TRDN: variants seen among roughly 807,000 people sequenced by gnomAD.
TRDN encodes triadin in skeletal muscle.
A neutral mutation model predicts 149.7 loss-of-function variants in TRDN; 161 were observed. The observed-to-expected ratio is 1.08, with a 90% CI of 0.95 to 1.23. TRDN has a LOEUF of 1.23. TRDN is among the 50% of genes most tolerant of loss of function. The pLI is 0.00. For synonymous variants in TRDN, 294 were observed against 250.5 expected (o/e 1.17, Z -1.64); for missense variants, 896 against 823.5 (o/e 1.09, Z -1.08).
chr6:123,412,806 A>G (rs1193983559), intron 12 of TRDN, among the ~76,000 whole-genome samples: 1 of 152,120 alleles, frequency 6.6e-6, no homozygotes, highest in African/African-American at 2.4e-5. Flanking sequence ...CTAAATAATA[A>G]TGGTAAATCC....
intron 12 of TRDN, among the ~76,000 whole-genome samples, chr6:123,428,904 G>A (rs1475201087): frequency 2.6e-5 from 4 of 152,148 alleles, no homozygotes; most frequent in Non-Finnish European, 5.9e-5. Context: ...ACATTAAGCA[G>A]ATTTCCTTGC....
chr6:123,439,928 C>G (rs1275892340), intron 10 of TRDN, among the ~76,000 whole-genome samples: 1 of 152,010 alleles, frequency 6.6e-6, no homozygotes, highest in Admixed American at 6.6e-5. Context: ...TGCTATTTAC[C>G]TTATATTTGA....
At chr6:123,550,578 G>A (rs752536442) in intron 2 of TRDN, among the ~76,000 whole-genome samples, 13 of 152,008 alleles carry the variant, frequency 8.6e-5, no homozygotes, top group Non-Finnish European at 1.8e-4. Context: ...AATACTAGAA[G>A]AGGAACTAGG....
chr6:123,331,450 C>G (rs1044717138), intron 23 of TRDN, among the ~76,000 whole-genome samples: 4 of 152,004 alleles, frequency 2.6e-5, no homozygotes, highest in African/African-American at 9.7e-5. Context: ...CTAAGTTCCT[C>G]CTAGCTATAC....
At chr6:123,433,147 T>C (rs1217940119) in intron 12 of TRDN, among the ~76,000 whole-genome samples, 71 of 57,310 alleles carry the variant, frequency 1.2e-3, no homozygotes, top group African/African-American at 4.7e-3. Context: ...ATCATAAATA[T>C]ATATATATAT....
intron 12 of TRDN, among the ~76,000 whole-genome samples, chr6:123,435,750 G>T (rs1471289060): frequency 2.0e-5 from 3 of 152,126 alleles, no homozygotes; most frequent in Admixed American, 6.6e-5. Flanking sequence ...GTCCTGCCTA[G>T]ATGTGCTGAG....
intron 10 of TRDN, chr6:123,441,892 C>T (rs762569704): frequency 1.3e-5 from 2 of 152,188 alleles, no homozygotes. Context: ...TATTCTAACA[C>T]TGTGGCCAGA....
rs190373729 is a variant in TRDN, at chr6:123,383,804, A to C, written c.1136-1657T>G. On this transcript the variant is annotated intron_variant, in intron 14 of 40. Coordinates refer to ENST00000334268, the MANE Select transcript of TRDN (RefSeq NM_006073.4). ...TTAAATAATTAGGCAAGATTTTATTACCTCTCTTTCTGAATTTCAAATTTT... is the reference window on the plus strand; with the variant it reads ...TTAAATAATTAGGCAAGATTTTATTCCCTCTCTTTCTGAATTTCAAATTTT... Among the ~76,000 whole-genome samples, 316 of 152,178 alleles carry C rather than the reference A, an allele frequency of 2.1e-3. 5 individuals are homozygous for C. The highest frequency in any genetic ancestry group is 7.3e-3 in the African/African-American group (302 of 41,546).
intron 8 of TRDN, chr6:123,503,175 T>A (rs1778771339): frequency 1.0e-6 from 1 of 984,920 alleles, no homozygotes. Context: ...AAAAGAAACT[T>A]GAGAACTGTC....
chr6:123,329,100 G>A (rs1172568845), intron 23 of TRDN, among the ~76,000 whole-genome samples: 1 of 152,078 alleles, frequency 6.6e-6, no homozygotes, highest in Non-Finnish European at 1.5e-5. Flanking sequence ...GAGTTAAAAA[G>A]CCAGAGTCCT....
At chr6:123,404,848 A>G (rs1241093153) in intron 12 of TRDN, among the ~76,000 whole-genome samples, 1 of 152,218 alleles carries the variant, frequency 6.6e-6, no homozygotes, top group African/African-American at 2.4e-5. Context: ...GGGCTTCTCA[A>G]TATTGGCTTC....
At chr6:123,322,248 A>G (rs1470997866) in intron 23 of TRDN, among the ~76,000 whole-genome samples, 1 of 152,200 alleles carries the variant, frequency 6.6e-6, no homozygotes. Flanking sequence ...CATTCATGTC[A>G]AGGAGTTGCA....
intron 5 of TRDN, among the ~76,000 whole-genome samples, chr6:123,522,540 GC>G (rs1779739335): frequency 8.8e-6 from 1 of 113,194 alleles, no homozygotes; most frequent in Non-Finnish European, 1.7e-5. Context: ...TTTTTTTTTT[GC>G]ATTTTCCAAA....
rs184286735 is a variant in TRDN at position 123,245,482 on chromosome 6, T to C, written c.1975+6930A>G. On this transcript the variant is annotated intron_variant, in intron 38 of 40. Transcript: ENST00000334268. ...AAAATAGACTTTACACCAACAAAGA[T>C]GAAAAGAGACAAAGGAGGGCATTAC... Among the ~76,000 whole-genome samples, 250 of 151,930 alleles carry C rather than the reference T, an allele frequency of 1.6e-3. 3 individuals are homozygous for C. The highest frequency in any genetic ancestry group is 5.8e-3 in the African/African-American group (239 of 41,456).
chr6:123,588,968 T>C (rs1021648327), intron 1 of TRDN, among the ~76,000 whole-genome samples: 5 of 152,130 alleles, frequency 3.3e-5, no homozygotes, highest in Admixed American at 6.5e-5. Flanking sequence ...AATCAAAATG[T>C]CAGAGGGCAC....
At chr6:123,494,561 A>G (rs572007748) in intron 9 of TRDN, among the ~76,000 whole-genome samples, 1 of 152,316 alleles carries the variant, frequency 6.6e-6, no homozygotes, top group Non-Finnish European at 1.5e-5. Flanking sequence ...ATAGAATATG[A>G]AGAAAATAAT....
At chr6:123,281,252 A>G (rs1291402094) in intron 24 of TRDN, among the ~76,000 whole-genome samples, 1 of 152,082 alleles carries the variant, frequency 6.6e-6, no homozygotes, top group Non-Finnish European at 1.5e-5. Flanking sequence ...CTGGGTTCTC[A>G]GAACAAAAGG....
At chr6:123,305,547 T>C (rs1281263646) in intron 24 of TRDN, among the ~76,000 whole-genome samples, 1 of 152,132 alleles carries the variant, frequency 6.6e-6, no homozygotes, top group South Asian at 2.1e-4. Context: ...TCATGTCTGG[T>C]ATATGAAACA....
In TRDN at chr6:123,497,332, G is replaced by T. The variant is rs73770122; in HGVS notation, c.794-80C>A. On this transcript the variant is annotated intron_variant, in intron 8 of 40. Transcript: ENST00000334268. ...TTCTACAGAGAAATAATTTAACAAA[G>T]CAAACAAAATAGCACAATTCTATTT... 1.7e-3 allele frequency: 1,708 copies of T among 985,350 alleles called. 29 individuals carry two copies. In the African/African-American group the frequency reaches 0.027, roughly 15 times the overall value. 61.0% of individuals were successfully genotyped at this position (985,350 alleles called of 1,614,324 possible). A position where few individuals can be genotyped will look rare whatever the true frequency, so the allele number is the denominator to read the frequency against.
Sources: gnomAD v4.1 joint callset for allele counts (sites outside exome capture counted in the v4.1 genomes callset) on GRCh38, gnomAD v4.1.1 for gene constraint, MANE v1.5 for transcripts, NCBI Gene and HGNC (gene_info 2026-07-23, HGNC 2026-07-21) for gene names.